TTBK2: variants seen among roughly 807,000 people sequenced by gnomAD.
The protein encoded by TTBK2 is tau-tubulin kinase 2.
In TTBK2, 28 loss-of-function variants were observed where a neutral mutation model predicts 110.8. The observed-to-expected ratio is 0.25, with a 90% CI of 0.19 to 0.35. The LOEUF is 0.35. TTBK2 is among the 10% of genes least tolerant of loss of function. The pLI is 1.00. For missense variants in TTBK2, 1,369 were observed against 1,500.3 expected (o/e 0.91, Z 1.45); for synonymous variants, 532 against 527.3 (o/e 1.01, Z -0.12).
chr15:42,786,553 T>C (rs548556518), intron 10 of TTBK2, among the ~76,000 whole-genome samples: 1 of 152,346 alleles, frequency 6.6e-6, no homozygotes, highest in South Asian at 2.1e-4. Context: ...TTCTGCTTTT[T>C]TTCCAACTAC....
At chr15:42,872,491 C>G in intron 3 of TTBK2, 120 bp downstream of exon 3, 3 of 1,186,308 alleles carry the variant, frequency 2.5e-6, no homozygotes, top group Non-Finnish European at 3.6e-6. Context: ...CGTATTTATA[C>G]CCGGCTGACA....
At chr15:42,853,091 T>C (rs933495642) in intron 3 of TTBK2, among the ~76,000 whole-genome samples, 1 of 152,198 alleles carries the variant, frequency 6.6e-6, no homozygotes, top group Non-Finnish European at 1.5e-5. Flanking sequence ...AGTCATACTT[T>C]GCAGCAGTAG....
At chr15:42,899,478 C>T (rs1190545565) in intron 1 of TTBK2, among the ~76,000 whole-genome samples, 3 of 151,920 alleles carry the variant, frequency 2.0e-5, no homozygotes, top group African/African-American at 2.4e-5. Flanking sequence ...CGGTGGCTCA[C>T]GCCTGTAATC....
At chr15:42,756,086 T>C (rs557665471) in intron 13 of TTBK2, among the ~76,000 whole-genome samples, 2 of 151,078 alleles carry the variant, frequency 1.3e-5, no homozygotes, top group South Asian at 4.2e-4. Flanking sequence ...AATCCCAGCT[T>C]CTCGGGAAGC....
chr15:42,878,097 C>A (rs1894885919), intron 2 of TTBK2, among the ~76,000 whole-genome samples: 1 of 148,426 alleles, frequency 6.7e-6, no homozygotes, highest in South Asian at 2.1e-4. Context: ...GCCTCAACCT[C>A]CTGAGTAGCT....
chr15:42,906,748 A>C (rs963748441), intron 1 of TTBK2, among the ~76,000 whole-genome samples: 12 of 152,226 alleles, frequency 7.9e-5, no homozygotes, highest in African/African-American at 2.9e-4. Context: ...AACCCACAGA[A>C]TGGGAGAAAA....
At chr15:42,920,847 C>A (rs114954873), upstream of TTBK2, 1,744 of 153,174 alleles carry the variant, frequency 0.011, 28 homozygotes, top group African/African-American at 0.039. Flanking sequence ...CCCACCTGCC[C>A]TGCCAGCGCG....
intron 9 of TTBK2, among the ~76,000 whole-genome samples, chr15:42,804,256 C>T (rs1891356392): frequency 6.6e-6 from 1 of 151,908 alleles, no homozygotes; most frequent in Admixed American, 6.6e-5. Context: ...ACCAGCCTGA[C>T]CAACATGGTG....
At chr15:42,897,823 TACACACACACACAC>T (rs60880098) in intron 1 of TTBK2, among the ~76,000 whole-genome samples, 59 of 140,762 alleles carry the variant, frequency 4.2e-4, no homozygotes, top group South Asian at 3.3e-3. Flanking sequence ...CCAGTAGTGG[TACACACACACACAC>T]ACACACACAC....
rs1033005469 is a variant in TTBK2, at chr15:42,742,764, C to A, written c.*3031G>T. 3 of 152,128 alleles carry A rather than the reference C, an allele frequency of 2.0e-5. No individual in the cohort carries two copies. Among genetic ancestry groups the A allele is most frequent in the Admixed American group, 2.0e-4 (3 of 15,270 alleles). 9.4% of individuals were successfully genotyped at this position (152,128 alleles called of 1,614,324 possible). On this transcript the variant is annotated 3_prime_UTR_variant, in exon 15 of 15. Transcript: ENST00000267890. ...CTACTTTTAGTATAGTTTGGCTTGACCTTAATAGCCATGTCCCTCATCTTA... is the reference window on the plus strand; with the variant it reads ...CTACTTTTAGTATAGTTTGGCTTGAACTTAATAGCCATGTCCCTCATCTTA...
In TTBK2 at chr15:42,858,205, C is replaced by G. The variant is rs557123983; in HGVS notation, c.217+14406G>C. Among the ~76,000 whole-genome samples, 27 of 152,248 alleles carry G rather than the reference C, an allele frequency of 1.8e-4. 1 individual carries two copies. The highest frequency in any genetic ancestry group is 1.0e-3 in the South Asian group (5 of 4,820). On this transcript the variant is annotated intron_variant, in intron 3 of 14. Coordinates refer to ENST00000267890, the MANE Select transcript of TTBK2 (RefSeq NM_173500.4). The stretch of plus-strand genomic sequence containing the variant: ...AATTTTGATACATCTCCAAACACCC[C>G]CTACCCCATCTCCACAGATTCTCTG...
chr15:42,851,120 C>T (rs1351535920), intron 3 of TTBK2, among the ~76,000 whole-genome samples: 3 of 151,106 alleles, frequency 2.0e-5, no homozygotes, highest in Admixed American at 1.3e-4. Flanking sequence ...TGGTGGTGGG[C>T]GCCTGTAGTC....
At position 42,868,378 on chromosome 15, in the gene TTBK2, G is replaced by A. The variant is rs1187857969; in HGVS notation, c.217+4233C>T. 2.0e-5 allele frequency among the ~76,000 whole-genome samples: 3 copies of A among 152,230 alleles called. No individual in the cohort carries two copies. In the East Asian group the frequency reaches 5.8e-4, roughly 29 times the overall value. ...ATCTGGGTGATAATGATGTATCAATGTAGGTTCATCAATTGTAACAAATGT... is the reference window on the plus strand; with the variant it reads ...ATCTGGGTGATAATGATGTATCAATATAGGTTCATCAATTGTAACAAATGT... On this transcript the variant is annotated intron_variant, in intron 3 of 14. Transcript: ENST00000267890.
intron 1 of TTBK2, among the ~76,000 whole-genome samples, chr15:42,908,973 G>T (rs984418775): frequency 1.3e-5 from 2 of 152,128 alleles, no homozygotes; most frequent in African/African-American, 4.8e-5. Context: ...GACAAATTTA[G>T]TGGCAAAAAA....
chr15:42,786,439 T>G (rs1890417155), intron 10 of TTBK2, among the ~76,000 whole-genome samples: 1 of 152,254 alleles, frequency 6.6e-6, no homozygotes, highest in African/African-American at 2.4e-5. Flanking sequence ...GGGAAATAGA[T>G]GAATATTTGA....
chr15:42,879,813 A>G (rs1894966621), intron 1 of TTBK2, among the ~76,000 whole-genome samples: 1 of 152,060 alleles, frequency 6.6e-6, no homozygotes, highest in South Asian at 2.1e-4. Context: ...CCTAGCCAAC[A>G]TAGGGAGATC....
rs757472987 is a variant in TTBK2 at position 42,840,432 on chromosome 15, C to T, written c.219G>A (p.Gly73=). The T allele has an allele frequency of 6.2e-7, 1 of 1,613,564 alleles. No homozygotes were observed. Among genetic ancestry groups the T allele is most frequent in the East Asian group, 2.2e-5 (1 of 44,818 alleles). Reference sequence around the variant, plus strand: ...CAATAAATCTACAAACATGGTCTTTCCCTGGATAAAAAAAGAAAACAGTGG... The same window carrying T: ...CAATAAATCTACAAACATGGTCTTTTCCTGGATAAAAAAAGAAAACAGTGG... The part of the protein sequence containing the change: ...MEVAVLKKLQ[G]KDHVCRFIGC... Residue 73 remains glycine (G), a splice_region_variant and synonymous_variant, in exon 4 of 15, where the codon GGG becomes GGA. Transcript: ENST00000267890.
intron 1 of TTBK2, among the ~76,000 whole-genome samples, chr15:42,902,397 C>T (rs2030100243): frequency 1.3e-5 from 2 of 149,638 alleles, no homozygotes; most frequent in Admixed American, 6.6e-5. Context: ...GCAGGTGCCT[C>T]TAATCCCAGC....
chr15:42,878,485 A>AT (rs1894905893), intron 2 of TTBK2, 64 bp downstream of exon 2: 1 of 1,520,970 alleles, frequency 6.6e-7, no homozygotes, highest in Non-Finnish European at 8.8e-7. Context: ...TTACCCCCCG[A>AT]TATGTATACA....
Sources: gnomAD v4.1 joint callset for allele counts (sites outside exome capture counted in the v4.1 genomes callset) on GRCh38, gnomAD v4.1.1 for gene constraint, MANE v1.5 for transcripts, NCBI Gene and HGNC (gene_info 2026-07-23, HGNC 2026-07-21) for gene names.